Variants in ZNF232 observed in about 807,000 individuals in gnomAD.
The protein encoded by ZNF232 is zinc finger and SCAN domain-containing protein 11.
Under a neutral mutation model 25.2 loss-of-function variants are expected in ZNF232, and 25 were observed. The observed-to-expected ratio is 0.99, with a 90% CI of 0.72 to 1.39. The LOEUF is 1.39. ZNF232 is among the 40% of genes most tolerant of loss of function. The pLI, the probability that ZNF232 is intolerant of heterozygous loss-of-function variation, is 0.00. For missense variants in ZNF232, 519 were observed against 520.9 expected (o/e 1.00, Z 0.04); for synonymous variants, 193 against 182.9 (o/e 1.06, Z -0.45).
chr17:5,106,172 T>G (rs775201233), exon 4 of ZNF232: 1 of 1,614,172 alleles, frequency 6.2e-7, no homozygotes, highest in Non-Finnish European at 8.5e-7. Context: ...ACTTATAGGG[T>G]TTCTCTCCAG....
At chr17:5,119,013 G>C (rs1452466872) in intron 1 of ZNF232, among the ~76,000 whole-genome samples, 1 of 152,202 alleles carries the variant, frequency 6.6e-6, no homozygotes, top group Non-Finnish European at 1.5e-5. Flanking sequence ...GTGGGTTTCA[G>C]GCTTTTCGGC....
Position 5,109,484 on chromosome 17 carries a change from T to A in ZNF232, c.408A>T (p.Gln136His). 3 of 1,614,150 alleles carry A rather than the reference T, an allele frequency of 1.9e-6. No individual in the cohort carries two copies. The South Asian group carries it at 3.3e-5, about 18-fold the overall frequency. Reference sequence around the variant, plus strand: ...TAGGGTGATGTCCCCGCACCCAGGATTGGAGCTCCTCAGGCAGGATGGTCA... The same window carrying A: ...TAGGGTGATGTCCCCGCACCCAGGAATGGAGCTCCTCAGGCAGGATGGTCA... Residue 136 changes from glutamine (Q) to histidine (H), a missense_variant, in exon 2 of 4, where the codon CAA becomes CAT. Physicochemically the swap from Gln to His is conservative, Grantham distance 24. Transcript: ENST00000575898.
chr17:5,120,474 C>T (rs1361232028), intron 1 of ZNF232, among the ~76,000 whole-genome samples: 2 of 152,154 alleles, frequency 1.3e-5, no homozygotes, highest in African/African-American at 2.4e-5. Flanking sequence ...CAATATCCAC[C>T]TCCACCTTCA....
At chr17:5,106,711 C>A (rs1478395437) in intron 3 of ZNF232, among the ~76,000 whole-genome samples, 178 bp from the exon 4 acceptor site, 7 of 152,144 alleles carry the variant, frequency 4.6e-5, no homozygotes, top group Admixed American at 3.9e-4. Context: ...TTTAATTTCT[C>A]CCATTTATCT....
At chr17:5,113,801 G>T (rs1287383544), upstream of ZNF232, 1 of 152,170 alleles carries the variant, frequency 6.6e-6, no homozygotes, top group Non-Finnish European at 1.5e-5. Flanking sequence ...CAGACAAGGG[G>T]AAAGCTATTA....
rs369282859 is a variant in ZNF232, at chr17:5,121,937, G to A, written c.-530+1040C>T. 2.9e-3 allele frequency among the ~76,000 whole-genome samples: 440 copies of A among 152,258 alleles called. 12 individuals are homozygous for A. In the South Asian group the frequency reaches 0.087, roughly 30 times the overall value. ...GGAGCCTTGAATGCCAAGTTAAAGC[G>A]TCTGGATTAGATCACGTAGGCAATG... is the stretch of plus-strand genomic sequence containing the variant. On this transcript the variant is annotated intron_variant, in intron 1 of 4. Coordinates refer to the ZNF232 transcript ENST00000250076.
At chr17:5,109,454 A>G (rs1478519366) in exon 2 of ZNF232, 1 of 1,613,254 alleles carries the variant, frequency 6.2e-7, no homozygotes, top group South Asian at 1.1e-5. Flanking sequence ...CCTCCTCTCC[A>G]CTCTTAGGGT....
At chr17:5,119,949 T>G (rs1441957598) in intron 1 of ZNF232, among the ~76,000 whole-genome samples, 3 of 151,986 alleles carry the variant, frequency 2.0e-5, no homozygotes, top group African/African-American at 7.3e-5. Context: ...CTGCCCCCTC[T>G]CCTGCCTCTC....
intron 1 of ZNF232, among the ~76,000 whole-genome samples, chr17:5,122,200 C>T (rs537533497): frequency 1.3e-5 from 2 of 151,966 alleles, no homozygotes; most frequent in African/African-American, 2.4e-5. Context: ...TAGCTCAAAA[C>T]AGCAGGACTG....
intron 1 of ZNF232, among the ~76,000 whole-genome samples, chr17:5,119,142 A>G (rs1332933204): frequency 6.6e-6 from 1 of 151,344 alleles, no homozygotes; most frequent in Non-Finnish European, 1.5e-5. Context: ...CCACACTCCA[A>G]TCACCCCTCT....
chr17:5,111,966 G>T, upstream of ZNF232: 2 of 1,267,236 alleles, frequency 1.6e-6, no homozygotes, highest in Non-Finnish European at 2.1e-6. Context: ...CAGGCGCGTG[G>T]GCGCTGCCGA....
chr17:5,109,342 GC>G, intron 2 of ZNF232, 51 bp downstream of exon 2: 1 of 1,607,612 alleles, frequency 6.2e-7, no homozygotes, highest in Non-Finnish European at 8.5e-7. Context: ...CCTCGGTCCA[GC>G]CTGAAGGTCA....
chr17:5,109,233 C>A (rs1032755000), intron 2 of ZNF232, 161 bp downstream of exon 2: 10 of 1,238,320 alleles, frequency 8.1e-6, no homozygotes, highest in Non-Finnish European at 1.0e-5. Flanking sequence ...CTTTCTCATT[C>A]AGGGCTCGAG....
intron 1 of ZNF232, among the ~76,000 whole-genome samples, chr17:5,117,537 A>G (rs1267129806): frequency 6.6e-6 from 1 of 151,536 alleles, no homozygotes; most frequent in African/African-American, 2.4e-5. Context: ...AAAAAAGCTC[A>G]ATAAATATTT....
chr17:5,115,984 A>G (rs566869019), upstream of ZNF232, among the ~76,000 whole-genome samples: 338 of 152,354 alleles, frequency 2.2e-3, 3 homozygotes, highest in African/African-American at 7.6e-3. Context: ...TCAAAGCTGT[A>G]GGGCTGGACG....
intron 1 of ZNF232, chr17:5,111,544 C>G: frequency 1.8e-6 from 1 of 561,760 alleles, no homozygotes; most frequent in Non-Finnish European, 3.1e-6. Context: ...AGGTACAACT[C>G]CCCTTCCCAC....
At chr17:5,122,680 A>G (rs956963480) in intron 1 of ZNF232, among the ~76,000 whole-genome samples, 1 of 151,994 alleles carries the variant, frequency 6.6e-6, no homozygotes, top group Non-Finnish European at 1.5e-5. Context: ...CTTCCCGGGA[A>G]CAAAAGCAGC....
In ZNF232 at chr17:5,119,805, C is replaced by T. The variant is rs551506809; in HGVS notation, c.-530+3172G>A. On this transcript the variant is annotated intron_variant, in intron 1 of 4. Coordinates refer to the ZNF232 transcript ENST00000250076. ...CACAGCCATCATCTCAGCTGATAAACAGCTGGGAGAAAGATACTCTTTCTT... is the reference window on the plus strand; with the variant it reads ...CACAGCCATCATCTCAGCTGATAAATAGCTGGGAGAAAGATACTCTTTCTT... 3.9e-5 allele frequency among the ~76,000 whole-genome samples: 6 copies of T among 152,318 alleles called. 1 individual carries two copies. The highest frequency in any genetic ancestry group is 1.2e-4 in the African/African-American group (5 of 41,564).
In ZNF232 at chr17:5,106,325, C is replaced by T. The variant is rs752926311; in HGVS notation, c.807G>A (p.Trp269Ter). ...TGAAACTTTCCTCCTGGGCAGGGGACCACCTCAGTCTCTCCGCTTTGGGAT... is the reference window on the plus strand; with the variant it reads ...TGAAACTTTCCTCCTGGGCAGGGGATCACCTCAGTCTCTCCGCTTTGGGAT... Residue 269 changes from tryptophan (W) to a stop codon, truncating the protein, a stop_gained, in exon 4 of 4, where the codon TGG (tryptophan) becomes TGA (stop). Transcript: ENST00000575898. LOFTEE classifies it low-confidence loss of function (END_TRUNC). 2 of 1,614,230 alleles carry T rather than the reference C, an allele frequency of 1.2e-6. No homozygotes were observed. The highest frequency in any genetic ancestry group is 1.7e-6 in the Non-Finnish European group (2 of 1,180,040).
Sources: allele counts gnomAD v4.1 joint callset (sites outside exome capture counted in the v4.1 genomes callset), GRCh38; gene constraint gnomAD v4.1.1; transcripts MANE v1.5; gene names NCBI Gene and HGNC (gene_info 2026-07-23, HGNC 2026-07-21).